Variants in SYCP2 observed in about 807,000 individuals in gnomAD.
SYCP2 encodes synaptonemal complex protein 2, also known as synaptonemal complex lateral element protein.
SYCP2 carries 55 observed loss-of-function variants against 211.3 expected under a neutral mutation model. The ratio of observed to expected loss-of-function variants is 0.26; its 90% CI spans 0.21 to 0.33. The LOEUF is 0.33. SYCP2 is among the 10% of genes least tolerant of loss of function. The probability of loss-of-function intolerance (pLI) is 1.00; values close to 1 mark genes in which losing one functional copy is unlikely to be tolerated. For missense variants in SYCP2, 1,731 were observed against 1,752.0 expected (o/e 0.99, Z 0.21); for synonymous variants, 570 against 555.2 (o/e 1.03, Z -0.37).
At chr20:59,911,497 AT>A (rs2060325827) in intron 14 of SYCP2, among the ~76,000 whole-genome samples, 1 of 152,190 alleles carries the variant, frequency 6.6e-6, no homozygotes, top group African/African-American at 2.4e-5. Flanking sequence ...ATTAACATTT[AT>A]TTTTTAAAAG....
chr20:59,866,439 A>G, intron 40 of SYCP2, 47 bp from the exon 41 acceptor site: 1 of 1,559,264 alleles, frequency 6.4e-7, no homozygotes, highest in South Asian at 1.2e-5. Flanking sequence ...TGTAGCATTC[A>G]GAATATAGGA....
chr20:59,868,340 A>G (rs2059389472), intron 38 of SYCP2, 73 bp downstream of exon 38: 1 of 1,497,706 alleles, frequency 6.7e-7, no homozygotes, highest in South Asian at 1.2e-5. Flanking sequence ...TTGTTTTGTA[A>G]ATAGACTCAT....
chr20:59,892,169 G>C lies in SYCP2; in HGVS notation c.2185C>G (p.Leu729Val). ...AGCGATTCTTCAATTGTCTTATTTA[G>C]GAGAACCGATTTAAAAGTAGTTTCA... ...ESETTFKSVL[L>V]NKTIEESLIY... The change falls in exon 24 of 45, where the codon CTA (leucine) becomes GTA (valine). Residue 729 changes from leucine to valine, a missense_variant. Transcript: ENST00000357552. 6.2e-7 allele frequency: 1 copy of C among 1,612,220 alleles called. No homozygotes were observed. The highest frequency in any genetic ancestry group is 1.1e-5 in the South Asian group (1 of 90,946).
chr20:59,893,267 G>A (rs769770082), intron 21 of SYCP2, 68 bp from the exon 22 acceptor site: 29 of 1,075,950 alleles, frequency 2.7e-5, no homozygotes, highest in Non-Finnish European at 4.0e-5. Context: ...AGGGAGGTTA[G>A]TATAGAAATC....
chr20:59,911,713 T>C (rs763521955), intron 14 of SYCP2, 37 bp downstream of exon 14: 28 of 994,296 alleles, frequency 2.8e-5, no homozygotes, highest in Non-Finnish European at 3.9e-5. Flanking sequence ...TATATATGCA[T>C]ATACATAAAG....
chr20:59,914,010 G>T lies in SYCP2; in HGVS notation c.795C>A (p.Leu265=). 6.3e-7 allele frequency: 1 copy of T among 1,599,170 alleles called. No homozygotes were observed. Among genetic ancestry groups the T allele is most frequent in the South Asian group, 1.1e-5 (1 of 87,822 alleles). ...SEFETDCRIF[L]NLVNGMLGDK... is the part of the protein sequence containing the mutation. Reference sequence around the variant, plus strand: ...CTCCAAGCATGCCATTTACAAGGTTGAGAAATATCCTGCAATCCTAATTTT... The same window carrying T: ...CTCCAAGCATGCCATTTACAAGGTTTAGAAATATCCTGCAATCCTAATTTT... Residue 265 remains leucine, a synonymous_variant, in exon 12 of 45, where the codon CTC becomes CTA. Coordinates refer to ENST00000357552, the MANE Select transcript of SYCP2 (RefSeq NM_014258.4).
chr20:59,899,982 T>G, intron 18 of SYCP2, 156 bp downstream of exon 18: 2 of 776,482 alleles, frequency 2.6e-6, no homozygotes, highest in Non-Finnish European at 4.2e-6. Flanking sequence ...CACACTATCT[T>G]TTGTTTGCAT....
chr20:59,931,110 G>T (rs1324927743), intron 2 of SYCP2, among the ~76,000 whole-genome samples: 1 of 152,166 alleles, frequency 6.6e-6, no homozygotes, highest in Admixed American at 6.5e-5. Flanking sequence ...GTACTTTTCA[G>T]GATTCAGTCA....
chr20:59,870,770 A>C (rs2059437142), intron 35 of SYCP2, among the ~76,000 whole-genome samples: 1 of 151,848 alleles, frequency 6.6e-6, no homozygotes, highest in African/African-American at 2.4e-5. Context: ...AGAGATAGAT[A>C]AACAGGCCAG....
At chr20:59,867,175 A>G (rs1021855976) in intron 39 of SYCP2, among the ~76,000 whole-genome samples, 1 of 117,472 alleles carries the variant, frequency 8.5e-6, no homozygotes, top group African/African-American at 5.8e-5. Context: ...GGCATAAAAA[A>G]CTAAAAAACT....
chr20:59,922,333 TAAAC>T (rs954954027), intron 3 of SYCP2, 53 bp downstream of exon 3: 11 of 1,509,586 alleles, frequency 7.3e-6, no homozygotes, highest in Non-Finnish European at 7.2e-6. Context: ...TACCTATAAG[TAAAC>T]AAAAAGTGAT....
At chr20:59,920,279 A>C in intron 5 of SYCP2, 80 bp downstream of exon 5, 1 of 1,280,014 alleles carries the variant, frequency 7.8e-7, no homozygotes, top group Non-Finnish European at 1.1e-6. Flanking sequence ...TATTTTCAAC[A>C]ATTTGGATAA....
Position 59,868,933 on chromosome 20 carries a change from AC to A in SYCP2, c.3742-9del. On this transcript the variant is annotated splice_polypyrimidine_tract_variant and intron_variant, in intron 36 of 44. Coordinates refer to ENST00000357552, the MANE Select transcript of SYCP2 (RefSeq NM_014258.4). ...AGATGCTAAATGACTTTCCTAAAAT[AC>A]GTATTAGAAATTAGAAAAAAATTCC... The A allele has an allele frequency of 6.3e-7, 1 of 1,587,816 alleles. No individual in the cohort carries two copies. Among genetic ancestry groups the A allele is most frequent in the East Asian group, 2.2e-5 (1 of 44,508 alleles).
chr20:59,884,423 G>A lies in SYCP2; in HGVS notation c.2529+1505C>T, dbSNP rs963595788. 8.8e-4 allele frequency among the ~76,000 whole-genome samples: 134 copies of A among 152,010 alleles called. 1 individual carries two copies. The highest frequency in any genetic ancestry group is 2.7e-3 in the African/African-American group (113 of 41,530). Reference sequence around the variant, plus strand: ...TTAAATAACATTTAATAAATTAATTGTAATATACTGTATTAAAGAAATGTA... The same window carrying A: ...TTAAATAACATTTAATAAATTAATTATAATATACTGTATTAAAGAAATGTA... On this transcript the variant is annotated intron_variant, in intron 26 of 44. Coordinates refer to ENST00000357552, the MANE Select transcript of SYCP2 (RefSeq NM_014258.4).
chr20:59,876,308 T>G (rs544327868), intron 33 of SYCP2, among the ~76,000 whole-genome samples: 1 of 127,976 alleles, frequency 7.8e-6, no homozygotes, highest in Non-Finnish European at 1.6e-5. Flanking sequence ...GAGGCGGAGG[T>G]TGCAGTGAAC....
At chr20:59,902,490 T>C (rs905823620) in intron 15 of SYCP2, among the ~76,000 whole-genome samples, 2 of 152,138 alleles carry the variant, frequency 1.3e-5, no homozygotes, top group African/African-American at 4.8e-5. Flanking sequence ...GGAATTCTAT[T>C]GCTGAATGAA....
At chr20:59,875,133 A>T (rs1005585125) in intron 34 of SYCP2, 138 bp downstream of exon 34, 2 of 540,996 alleles carry the variant, frequency 3.7e-6, no homozygotes, top group Non-Finnish European at 3.2e-6. Flanking sequence ...ACTAGCATTA[A>T]TTAGCTTAAC....
intron 35 of SYCP2, 149 bp downstream of exon 35, chr20:59,873,707 T>TTGTCATTATGTCCCTCTCC (rs2059497696): frequency 1.7e-6 from 1 of 597,216 alleles, no homozygotes; most frequent in Non-Finnish European, 2.9e-6. Flanking sequence ...TATCTCTCTC[T>TTGTCATTATGTCCCTCTCC]TGTCATTATG....
chr20:59,877,388 T>C lies in SYCP2; in HGVS notation c.3147A>G (p.Val1049=), dbSNP rs775005124. ...FSHSFKENIP[V]KEENIHSRMK... is the part of the protein sequence containing the mutation. ...AATCTGAACTGTATCTATTTACCTTTACTGGTATGTTCTCTTTAAATGAAT... is the reference window on the plus strand; with the variant it reads ...AATCTGAACTGTATCTATTTACCTTCACTGGTATGTTCTCTTTAAATGAAT... Residue 1049 remains valine (V), a synonymous_variant, in exon 33 of 45, where the codon GTA becomes GTG. Coordinates refer to ENST00000357552, the MANE Select transcript of SYCP2 (RefSeq NM_014258.4). The C allele has an allele frequency of 6.4e-7, 1 of 1,567,668 alleles. No individual in the cohort carries two copies. Among genetic ancestry groups the C allele is most frequent in the Non-Finnish European group, 8.6e-7 (1 of 1,165,298 alleles).
Sources: gnomAD v4.1 joint callset for allele counts (sites outside exome capture counted in the v4.1 genomes callset) on GRCh38, gnomAD v4.1.1 for gene constraint, MANE v1.5 for transcripts, NCBI Gene and HGNC (gene_info 2026-07-23, HGNC 2026-07-21) for gene names.